Variants in SRPRA observed in about 807,000 individuals in gnomAD.
The protein encoded by SRPRA is signal recognition particle receptor subunit alpha.
In SRPRA, 30 loss-of-function variants were observed where a neutral mutation model predicts 61.1. The observed-to-expected ratio is 0.49, with a 90% CI of 0.37 to 0.67. The LOEUF (loss-of-function observed/expected upper bound fraction) is 0.67, where lower values mean the gene tolerates loss of function less well. SRPRA is among the 30% of genes least tolerant of loss of function. The pLI, the probability that SRPRA is intolerant of heterozygous loss-of-function variation, is 0.00. For missense variants in SRPRA, 759 were observed against 828.4 expected, an observed-to-expected ratio of 0.92 and a Z score of 1.03; for synonymous variants, 324 against 299.7, an observed-to-expected ratio of 1.08 and a Z score of -0.84.
chr11:126,266,633 C>T lies in SRPRA; in HGVS notation c.687-4G>A. The T allele has an allele frequency of 6.2e-7, 1 of 1,613,462 alleles. No individual in the cohort carries two copies. The highest frequency in any genetic ancestry group is 8.5e-7 in the Non-Finnish European group (1 of 1,179,680). On this transcript the variant is annotated splice_region_variant and splice_polypyrimidine_tract_variant and intron_variant, in intron 5 of 13. Coordinates refer to ENST00000332118, the MANE Select transcript of SRPRA (RefSeq NM_003139.4). ...AGCATCTGACTTCGTGGACTTGCTGCAACAGGTTATGATACAAAGAGTTAT... is the reference window on the plus strand; with the variant it reads ...AGCATCTGACTTCGTGGACTTGCTGTAACAGGTTATGATACAAAGAGTTAT...
At chr11:126,239,003 T>C in the SRPRA span, among the ~76,000 whole-genome samples, 2 of 151,684 alleles carry the variant, frequency 1.3e-5, no homozygotes, top group Non-Finnish European at 2.9e-5. Flanking sequence ...GACAAGGTCT[T>C]GTTCTGTCAC....
rs764487453 is a variant in SRPRA, at chr11:126,265,359, C to T, written c.1220G>A (p.Arg407Gln). Residue 407 changes from arginine to glutamine, a missense_variant, in exon 10 of 14, where the codon CGG (arginine) becomes CAG (glutamine). Transcript: ENST00000332118. The surrounding 1 kb of genome is among the most constrained non-coding windows in gnomAD (Gnocchi z 6.3). ...LQPQRRVDML[R>Q]DIMDAQRRQR... is the part of the protein sequence containing the mutation. ...GCGACGCTGGGCATCCATGATGTCC[C>T]GGAGCATGTCTACACGACGCTGTGG... The T allele has an allele frequency of 7.4e-6, 12 of 1,613,946 alleles. No individual in the cohort carries two copies. The highest frequency in any genetic ancestry group is 2.2e-5 in the East Asian group (1 of 44,888).
downstream of SRPRA, chr11:126,261,155 G>GAAATGTAAAATGTAAAATGTA: frequency 5.5e-6 from 2 of 364,604 alleles, no homozygotes; most frequent in South Asian, 8.9e-5. Flanking sequence ...GCCTGTATGT[G>GAAATGTAAAATGTAAAATGTA]AAATGTAAAA....
the SRPRA span, chr11:126,250,819 T>C: frequency 1.9e-6 from 2 of 1,079,116 alleles, no homozygotes; most frequent in Non-Finnish European, 2.6e-6. The surrounding 1 kb of genome is among the most constrained non-coding windows in gnomAD (Gnocchi z 5.1). Flanking sequence ...TATATTGGTA[T>C]TTATGTAGAG....
chr11:126,250,614 C>A, the SRPRA span: 5 of 1,613,856 alleles, frequency 3.1e-6, no homozygotes, highest in East Asian at 1.1e-4. The surrounding 1 kb of genome is among the most constrained non-coding windows in gnomAD (Gnocchi z 5.1). Context: ...TCAGTCAGTT[C>A]TCCACCTGAT....
chr11:126,268,855 T>TCGCCGCCGCTTCCTGCTGCGCC lies in SRPRA; in HGVS notation c.-73_-52dup. ...CCGGCGCCGGGAATTCAGGCCGCGT[T>TCGCCGCCGCTTCCTGCTGCGCC]CGCCGCCGCTTCCTGCTGCGCCAAG... On this transcript the variant is annotated 5_prime_UTR_variant, in exon 1 of 14. Coordinates refer to ENST00000332118, the MANE Select transcript of SRPRA (RefSeq NM_003139.4). The TCGCCGCCGCTTCCTGCTGCGCC allele has an allele frequency of 6.9e-7, 1 of 1,459,242 alleles. No homozygotes were observed. The highest frequency in any genetic ancestry group is 1.7e-5 in the Admixed American group (1 of 59,064). 90.4% of individuals were successfully genotyped at this position (1,459,242 alleles called of 1,614,324 possible). A position where few individuals can be genotyped will look rare whatever the true frequency, so the allele number is the denominator to read the frequency against.
In SRPRA at chr11:126,263,967, G is replaced by A; in HGVS notation, c.1866C>T (p.Asp622=). The change falls in exon 14 of 14, where the codon GAC becomes GAT. Residue 622 remains aspartate, a synonymous_variant. Coordinates refer to ENST00000332118, the MANE Select transcript of SRPRA (RefSeq NM_003139.4). The part of the protein sequence containing the change: ...VFVGTGQTYC[D]LRSLNAKAVV... ...CAGCCTTGGCATTGAGGCTGCGTAGGTCACAGTAGGTCTGGCCGGTGCCCA... is the reference window on the plus strand; with the variant it reads ...CAGCCTTGGCATTGAGGCTGCGTAGATCACAGTAGGTCTGGCCGGTGCCCA... 6.2e-7 allele frequency: 1 copy of A among 1,614,216 alleles called. No individual in the cohort carries two copies. The highest frequency in any genetic ancestry group is 1.1e-5 in the South Asian group (1 of 91,076).
chr11:126,267,143 T>G lies in SRPRA; in HGVS notation c.526+32A>C. ...CTTAGCACCGTGTTAACACCTTTCATGTCCCAGTATATCCAAAGAACTCAA... is the reference window on the plus strand; with the variant it reads ...CTTAGCACCGTGTTAACACCTTTCAGGTCCCAGTATATCCAAAGAACTCAA... On this transcript the variant is annotated intron_variant, in intron 4 of 13. Coordinates refer to ENST00000332118, the MANE Select transcript of SRPRA (RefSeq NM_003139.4). This position sits in a 1 kb window ranked among gnomAD's most constrained non-coding sequence, Gnocchi z 4.2. 1 of 1,613,260 alleles carries G rather than the reference T, an allele frequency of 6.2e-7. No homozygotes were observed. The highest frequency in any genetic ancestry group is 8.5e-7 in the Non-Finnish European group (1 of 1,179,778).
chr11:126,264,564 T>G lies in SRPRA; in HGVS notation c.1526-25A>C. On this transcript the variant is annotated intron_variant, in intron 11 of 13. Coordinates refer to ENST00000332118, the MANE Select transcript of SRPRA (RefSeq NM_003139.4). The surrounding 1 kb of genome is among the most constrained non-coding windows in gnomAD (Gnocchi z 5.0). Reference sequence around the variant, plus strand: ...GCTAGAGAAAGAAAGTAGTCAACTCTGAACACCTGGACTACCACTCATGCT... The same window carrying G: ...GCTAGAGAAAGAAAGTAGTCAACTCGGAACACCTGGACTACCACTCATGCT... 1.2e-6 allele frequency: 2 copies of G among 1,610,628 alleles called. No individual in the cohort carries two copies. Among genetic ancestry groups the G allele is most frequent in the Non-Finnish European group, 1.7e-6 (2 of 1,179,226 alleles).
the SRPRA span, chr11:126,250,794 C>G: frequency 1.5e-6 from 2 of 1,319,062 alleles, no homozygotes; most frequent in African/African-American, 3.0e-5. This position sits in a 1 kb window ranked among gnomAD's most constrained non-coding sequence, Gnocchi z 5.1. Context: ...CTCAGAAAAG[C>G]TCTTTTCTAG....
chr11:126,267,279 T>C lies in SRPRA; in HGVS notation c.422A>G (p.Asp141Gly). Reference protein sequence around the residue: ...RAPTTMKKFEDSEKAKKPVRS... With the variant: ...RAPTTMKKFEGSEKAKKPVRS... ...CACAGGTTTCTTGGCCTTTTCAGAA[T>C]CTTCAAATTTCTTCATGGTAGTGGG... Residue 141 changes from aspartate (D) to glycine (G), a missense_variant, in exon 4 of 14, where the codon GAT (aspartate) becomes GGT (glycine). Asp to Gly is a moderately conservative substitution (Grantham distance 94, BLOSUM62 -1). Transcript: ENST00000332118. The surrounding 1 kb of genome is among the most constrained non-coding windows in gnomAD (Gnocchi z 4.2). 6.2e-7 allele frequency: 1 copy of C among 1,614,162 alleles called. No individual in the cohort carries two copies. The highest frequency in any genetic ancestry group is 8.5e-7 in the Non-Finnish European group (1 of 1,180,034).
chr11:126,256,494 C>G, the SRPRA span: 3 of 1,438,946 alleles, frequency 2.1e-6, no homozygotes, highest in Non-Finnish European at 2.9e-6. This position sits in a 1 kb window ranked among gnomAD's most constrained non-coding sequence, Gnocchi z 6.6. Flanking sequence ...CTCAACGTAG[C>G]ATGACCTTCT....
the SRPRA span, among the ~76,000 whole-genome samples, chr11:126,244,645 A>G: frequency 6.6e-6 from 1 of 152,268 alleles, no homozygotes; most frequent in African/African-American, 2.4e-5. The surrounding 1 kb of genome is among the most constrained non-coding windows in gnomAD (Gnocchi z 4.5). Context: ...CTCTACTAAA[A>G]ATACAAAAAT....
At chr11:126,243,564 C>G in the SRPRA span, among the ~76,000 whole-genome samples, 3 of 151,988 alleles carry the variant, frequency 2.0e-5, no homozygotes, top group South Asian at 6.2e-4. Context: ...AATGCAGTAC[C>G]CATGAGGAAG....
chr11:126,240,752 A>G, the SRPRA span: 7 of 1,557,330 alleles, frequency 4.5e-6, no homozygotes, highest in Admixed American at 7.9e-5. Flanking sequence ...CCTCATATCT[A>G]TTGGATATTC....
rs1204298882 is a variant in SRPRA at position 126,266,820 on chromosome 11, A to G, written c.629T>C (p.Ile210Thr). 4.3e-6 allele frequency: 7 copies of G among 1,614,170 alleles called. No individual in the cohort carries two copies. Among genetic ancestry groups the G allele is most frequent in the Non-Finnish European group, 5.9e-6 (7 of 1,180,034 alleles). Residue 210 changes from isoleucine (I) to threonine (T), a missense_variant, in exon 5 of 14, where the codon ATC becomes ACC. Physicochemically the swap from Ile to Thr is moderately conservative, Grantham distance 89 (BLOSUM62 -1). Coordinates refer to ENST00000332118, the MANE Select transcript of SRPRA (RefSeq NM_003139.4). ...AATGAACTCCTCGCGCTTCCTGCGG[A>G]TCAGCTCCTCTTTGGAAAGTTCTAC... ...NGVELSKEELIRRKREEFIQK... is the reference protein window; with the variant it reads ...NGVELSKEELTRRKREEFIQK...
chr11:126,237,132 G>C, the SRPRA span, among the ~76,000 whole-genome samples: 1 of 148,608 alleles, frequency 6.7e-6, no homozygotes, highest in African/African-American at 2.5e-5. Flanking sequence ...TAGCCAGGAT[G>C]GCCTTAATCT....
chr11:126,248,694 A>T, the SRPRA span, among the ~76,000 whole-genome samples: 1 of 152,090 alleles, frequency 6.6e-6, no homozygotes, highest in South Asian at 2.1e-4. Flanking sequence ...TAACTGACAC[A>T]CTTAGGATAA....
chr11:126,240,423 C>T, the SRPRA span, among the ~76,000 whole-genome samples: 17,681 of 151,998 alleles, frequency 0.12, 1,060 homozygotes, highest in South Asian at 0.14. Context: ...AATCAAACGT[C>T]TTCTTTTGAA....
Sources: allele counts gnomAD v4.1 joint callset (sites outside exome capture counted in the v4.1 genomes callset), GRCh38; gene constraint gnomAD v4.1.1; non-coding constraint Gnocchi (gnomAD v3.1); transcripts MANE v1.5; gene names NCBI Gene and HGNC (gene_info 2026-07-23, HGNC 2026-07-21).